Variants in EIPR1 observed in about 807,000 individuals in gnomAD.
The protein encoded by EIPR1 is EARP complex and GARP complex interacting protein 1, also known as EARP and GARP complex-interacting protein 1.
Under a neutral mutation model 48.1 loss-of-function variants are expected in EIPR1, and 25 were observed. The ratio of observed to expected loss-of-function variants is 0.52; its 90% CI spans 0.38 to 0.73. The LOEUF is 0.73. Among genes scored for constraint, EIPR1 ranks in the 30% least tolerant of loss-of-function variants. The pLI is 0.00. For missense variants in EIPR1, 415 were observed against 506.2 expected, an observed-to-expected ratio of 0.82 and a Z score of 1.73; for synonymous variants, 204 against 201.9, an observed-to-expected ratio of 1.01 and a Z score of -0.09.
intron 1 of EIPR1, among the ~76,000 whole-genome samples, chr2:3,362,801 G>A (rs1028679491): frequency 6.6e-6 from 1 of 152,196 alleles, no homozygotes; most frequent in Non-Finnish European, 1.5e-5. Flanking sequence ...GGCAGGCTGG[G>A]GGAGCCACAG....
intron 1 of EIPR1, among the ~76,000 whole-genome samples, chr2:3,376,065 A>T (rs1659867406): frequency 6.6e-6 from 1 of 151,926 alleles, no homozygotes; most frequent in South Asian, 2.1e-4. Flanking sequence ...ACTTGAGCTC[A>T]GGAGTGTGAG....
chr2:3,364,757 T>G (rs879674336), intron 1 of EIPR1, among the ~76,000 whole-genome samples: 23 of 152,210 alleles, frequency 1.5e-4, no homozygotes, highest in Non-Finnish European at 2.9e-4. Context: ...TTCAGTCATC[T>G]GTGGGAGCTA....
At chr2:3,266,684 C>T (rs912233368) in intron 3 of EIPR1, among the ~76,000 whole-genome samples, 2 of 152,186 alleles carry the variant, frequency 1.3e-5, no homozygotes, top group Non-Finnish European at 1.5e-5. Flanking sequence ...GAAGGGGGTG[C>T]TGAGAAGTGG....
chr2:3,297,068 G>T (rs1311774675), intron 3 of EIPR1, among the ~76,000 whole-genome samples: 1 of 152,128 alleles, frequency 6.6e-6, no homozygotes, highest in Admixed American at 6.5e-5. Context: ...ACTTCCTTTT[G>T]TCCATGAGCT....
chr2:3,315,169 C>CCACCACCATCCCCATCCA lies in EIPR1; in HGVS notation c.259+22847_259+22848insTGGATGGGGATGGTGGTG, dbSNP rs1558292816. On this transcript the variant is annotated intron_variant, in intron 3 of 8. Transcript: ENST00000382125. ...ATCGCCCCCATGCCTACCATCATCA[C>CCACCACCATCCCCATCCA]CACCCCCTACCACCACCATCACCAC... Among the ~76,000 whole-genome samples the CCACCACCATCCCCATCCA allele has an allele frequency of 6.2e-4, 36 of 58,366 alleles. 2 individuals are homozygous for CCACCACCATCCCCATCCA. Among genetic ancestry groups the CCACCACCATCCCCATCCA allele is most frequent in the African/African-American group, 3.0e-3 (33 of 10,876 alleles). The allele number at this position is 58,366 out of a possible 152,430, so 38.3% of individuals were successfully genotyped here. A position where few individuals can be genotyped will look rare whatever the true frequency, so the allele number is the denominator to read the frequency against.
At chr2:3,192,958 T>C (rs1393242236) in intron 7 of EIPR1, among the ~76,000 whole-genome samples, 1 of 152,106 alleles carries the variant, frequency 6.6e-6, no homozygotes, top group Admixed American at 6.5e-5. Flanking sequence ...ATCTTCCCAG[T>C]TGGCAGTGAC....
chr2:3,327,309 G>C (rs575659714), intron 3 of EIPR1, among the ~76,000 whole-genome samples: 1 of 152,022 alleles, frequency 6.6e-6, no homozygotes, highest in Non-Finnish European at 1.5e-5. Context: ...TCAGCCTCTC[G>C]AGTAGCTGGG....
chr2:3,338,581 G>A (rs574184775), intron 2 of EIPR1, among the ~76,000 whole-genome samples: 1 of 152,166 alleles, frequency 6.6e-6, no homozygotes, highest in South Asian at 2.1e-4. Context: ...AATTAGGTCT[G>A]GGACTGACCA....
At chr2:3,326,639 G>A (rs1237595422) in intron 3 of EIPR1, among the ~76,000 whole-genome samples, 1 of 152,158 alleles carries the variant, frequency 6.6e-6, no homozygotes, top group Non-Finnish European at 1.5e-5. Context: ...ACAGAGAAAG[G>A]GGGAAGAACC....
At chr2:3,349,517 CG>C (rs1440968482) in intron 2 of EIPR1, among the ~76,000 whole-genome samples, 1 of 152,210 alleles carries the variant, frequency 6.6e-6, no homozygotes, top group Non-Finnish European at 1.5e-5. Flanking sequence ...CACCACAAGA[CG>C]GGGATAAGGA....
At chr2:3,325,963 C>A (rs116398821) in intron 3 of EIPR1, among the ~76,000 whole-genome samples, 1 of 152,234 alleles carries the variant, frequency 6.6e-6, no homozygotes, top group African/African-American at 2.4e-5. Context: ...GCCGTGAGGG[C>A]GGATAGACTC....
chr2:3,367,195 C>T (rs1466221810), intron 1 of EIPR1, among the ~76,000 whole-genome samples: 1 of 151,608 alleles, frequency 6.6e-6, no homozygotes, highest in Admixed American at 6.6e-5. Flanking sequence ...TGCAAGGGTG[C>T]GTCTTGGGTG....
At chr2:3,226,290 T>A (rs1175906614) in intron 4 of EIPR1, among the ~76,000 whole-genome samples, 9 of 152,352 alleles carry the variant, frequency 5.9e-5, no homozygotes, top group Admixed American at 5.2e-4. Flanking sequence ...GACTTATCTT[T>A]TGTCTTTTTC....
Position 3,295,807 on chromosome 2 carries a change from C to T in EIPR1, c.260-38352G>A, listed in dbSNP as rs577839115. 2.8e-5 allele frequency among the ~76,000 whole-genome samples: 4 copies of T among 141,656 alleles called. No homozygotes were observed. The East Asian group carries it at 9.3e-4, about 33-fold the overall frequency. 92.9% of individuals were successfully genotyped at this position (141,656 alleles called of 152,430 possible). A position where few individuals can be genotyped will look rare whatever the true frequency, so the allele number is the denominator to read the frequency against. ...ATCCAGCCCATCCTCTCTACAAACA[C>T]GCCCTCCATCCAGCCCATCCTCTCC... On this transcript the variant is annotated intron_variant, in intron 3 of 8. Transcript: ENST00000382125.
chr2:3,280,946 C>G (rs1205400975), intron 3 of EIPR1, among the ~76,000 whole-genome samples: 1 of 152,206 alleles, frequency 6.6e-6, no homozygotes, highest in African/African-American at 2.4e-5. Flanking sequence ...GACGCTCTTC[C>G]TCCCCTTGAT....
rs1287636723 is a variant in EIPR1, at chr2:3,312,789, G to C, written c.259+25228C>G. 1.3e-5 allele frequency among the ~76,000 whole-genome samples: 2 copies of C among 152,070 alleles called. No homozygotes were observed. Among genetic ancestry groups the C allele is most frequent in the African/African-American group, 4.8e-5 (2 of 41,396 alleles). On this transcript the variant is annotated intron_variant, in intron 3 of 8. Coordinates refer to ENST00000382125, the MANE Select transcript of EIPR1 (RefSeq NM_003310.5). This position sits in a 1 kb window ranked among gnomAD's most constrained non-coding sequence, Gnocchi z 5.5. Reference sequence around the variant, plus strand: ...CTGCCTCTGCTGGTCTGTGACATGAGCACGTCATGGCCTGACCACCGCTGT... The same window carrying C: ...CTGCCTCTGCTGGTCTGTGACATGACCACGTCATGGCCTGACCACCGCTGT...
At chr2:3,311,478 A>AAC (rs1669125878) in intron 3 of EIPR1, among the ~76,000 whole-genome samples, 1 of 152,146 alleles carries the variant, frequency 6.6e-6, no homozygotes, top group Admixed American at 6.5e-5. Flanking sequence ...TCACACTTAG[A>AAC]ACATATAGAA....
At chr2:3,208,328 G>A (rs1572294114) in intron 5 of EIPR1, 1 of 801,412 alleles carries the variant, frequency 1.2e-6, no homozygotes, top group Non-Finnish European at 1.9e-6. Context: ...TGGGCAGGCA[G>A]GAGCCACCGT....
At chr2:3,277,210 A>ACGCGGCCC (rs1558267870) in intron 3 of EIPR1, among the ~76,000 whole-genome samples, 11 of 150,686 alleles carry the variant, frequency 7.3e-5, no homozygotes, top group Non-Finnish European at 1.0e-4. Flanking sequence ...GTCTCCACCC[A>ACGCGGCCC]CACGGCCCCG....
Sources: gnomAD v4.1 joint callset for allele counts (sites outside exome capture counted in the v4.1 genomes callset) on GRCh38, gnomAD v4.1.1 for gene constraint, Gnocchi (gnomAD v3.1) non-coding constraint, MANE v1.5 for transcripts, NCBI Gene and HGNC (gene_info 2026-07-23, HGNC 2026-07-21) for gene names.